The following FAM124B variants were observed in gnomAD, a reference collection of about 807,000 sequenced individuals.
FAM124B encodes family with sequence similarity 124 member B, also known as protein FAM124B.
A neutral mutation model predicts 19.7 loss-of-function variants in FAM124B; 18 were observed. The observed-to-expected ratio is 0.92, with a 90% CI of 0.63 to 1.36. The LOEUF (loss-of-function observed/expected upper bound fraction) is 1.36, where lower values mean the gene tolerates loss of function less well. FAM124B is among the 40% of genes most tolerant of loss of function. FAM124B has a pLI of 0.00. For synonymous variants in FAM124B, 223 were observed against 225.2 expected, an observed-to-expected ratio of 0.99 and a Z score of 0.09; for missense variants, 540 against 553.3, an observed-to-expected ratio of 0.98 and a Z score of 0.24.
intron 1 of FAM124B, 138 bp from the exon 2 acceptor site, chr2:224,380,346 G>T: frequency 2.7e-6 from 2 of 727,770 alleles, no homozygotes; most frequent in Non-Finnish European, 4.4e-6. Flanking sequence ...TTGAATAGAA[G>T]TGATAAGTAC....
chr2:224,393,101 T>C (rs532966278), intron 1 of FAM124B, among the ~76,000 whole-genome samples: 1 of 152,286 alleles, frequency 6.6e-6, no homozygotes, highest in East Asian at 1.9e-4. Context: ...AGTTGAGAAA[T>C]GGGTCTACAT....
chr2:224,380,940 C>A (rs1689703927), intron 1 of FAM124B, among the ~76,000 whole-genome samples: 1 of 152,216 alleles, frequency 6.6e-6, no homozygotes. Context: ...TGCACTCTCC[C>A]TCCACAGGAT....
chr2:224,396,076 C>G (rs1689964576), intron 1 of FAM124B, among the ~76,000 whole-genome samples: 3 of 152,170 alleles, frequency 2.0e-5, no homozygotes, highest in Non-Finnish European at 4.4e-5. Flanking sequence ...CTACCATGTG[C>G]CAGACACTGA....
At position 224,401,812 on chromosome 2, in the gene FAM124B, C is replaced by A. The variant is rs1303631334; in HGVS notation, c.-44G>T. ...TGACAAAGACAGCGTGTGTAGAAGG[C>A]CCACTGTTCAAGTTTCTGAAATGAA... is the stretch of plus-strand genomic sequence containing the variant. On this transcript the variant is annotated 5_prime_UTR_variant, in exon 1 of 2. Transcript: ENST00000409685. 2 of 1,569,188 alleles carry A rather than the reference C, an allele frequency of 1.3e-6. No individual in the cohort carries two copies. The highest frequency in any genetic ancestry group is 1.7e-6 in the Non-Finnish European group (2 of 1,158,918).
intron 1 of FAM124B, among the ~76,000 whole-genome samples, chr2:224,398,072 C>T (rs1164110922): frequency 6.6e-6 from 1 of 152,128 alleles, no homozygotes; most frequent in Non-Finnish European, 1.5e-5. Context: ...TTGTAAATTT[C>T]CCAGTCTCCA....
At chr2:224,392,946 T>A (rs1234300941) in intron 1 of FAM124B, among the ~76,000 whole-genome samples, 1 of 152,218 alleles carries the variant, frequency 6.6e-6, no homozygotes, top group Non-Finnish European at 1.5e-5. Context: ...AATAATTCTG[T>A]TCATCAGTCT....
At chr2:224,384,759 G>A (rs757118273) in intron 1 of FAM124B, among the ~76,000 whole-genome samples, 4 of 152,144 alleles carry the variant, frequency 2.6e-5, no homozygotes, top group Admixed American at 6.5e-5. Flanking sequence ...CTGCTACCGC[G>A]AAACTTACCT....
intron 1 of FAM124B, among the ~76,000 whole-genome samples, chr2:224,386,829 G>C (rs1286604460): frequency 6.6e-6 from 1 of 152,178 alleles, no homozygotes; most frequent in Non-Finnish European, 1.5e-5. Context: ...ATGAATTTTT[G>C]CACATAGAAA....
At chr2:224,393,467 G>T (rs2106085276) in intron 1 of FAM124B, among the ~76,000 whole-genome samples, 1 of 152,308 alleles carries the variant, frequency 6.6e-6, no homozygotes, top group African/African-American at 2.4e-5. Flanking sequence ...GTTTTATCTT[G>T]TAATTTATAA....
At chr2:224,381,068 C>T (rs2106075473) in intron 1 of FAM124B, among the ~76,000 whole-genome samples, 1 of 152,316 alleles carries the variant, frequency 6.6e-6, no homozygotes, top group South Asian at 2.1e-4. Flanking sequence ...ATTTTGATAA[C>T]AGCCCTTGGA....
At position 224,379,704 on chromosome 2, in the gene FAM124B, C is replaced by A; in HGVS notation, c.1237G>T (p.Glu413Ter). 1 of 1,551,682 alleles carries A rather than the reference C, an allele frequency of 6.4e-7. No individual in the cohort carries two copies. The highest frequency in any genetic ancestry group is 8.7e-7 in the Non-Finnish European group (1 of 1,146,990). ...ATSKNNSVLKERVSPLPLAGQ... is the reference protein window; with the variant it reads ...ATSKNNSVLK ...GCAAGTGGCAAAGGAGAGACTCTTTCCTTAAGGACACTGTTGTTTTTGGAG... is the reference window on the plus strand; with the variant it reads ...GCAAGTGGCAAAGGAGAGACTCTTTACTTAAGGACACTGTTGTTTTTGGAG... Residue 413 changes from glutamate to a stop codon, truncating the protein, a stop_gained, in exon 2 of 2, where the codon GAA becomes TAA. Transcript: ENST00000409685. LOFTEE classifies it low-confidence loss of function (END_TRUNC).
At chr2:224,393,644 C>T (rs896143858) in intron 1 of FAM124B, among the ~76,000 whole-genome samples, 29 of 152,032 alleles carry the variant, frequency 1.9e-4, no homozygotes, top group African/African-American at 6.8e-4. Context: ...GTGAGTTTGG[C>T]CTGGAGCACC....
chr2:224,379,851 C>G lies in FAM124B; in HGVS notation c.1090G>C (p.Asp364His). The G allele has an allele frequency of 6.4e-7, 1 of 1,552,144 alleles. No homozygotes were observed. Among genetic ancestry groups the G allele is most frequent in the Non-Finnish European group, 8.7e-7 (1 of 1,147,098 alleles). The change falls in exon 2 of 2, where the codon GAC (aspartate) becomes CAC (histidine). Residue 364 changes from aspartate to histidine, a missense_variant. Transcript: ENST00000409685. The stretch of plus-strand genomic sequence containing the variant: ...GAATTTATGATGGTCAAGCCGGTGT[C>G]AACATTCGTCTCGGCCTCAAGCTTC... ...FQKLEAETNV[D>H]TGLTIINSEP...
At chr2:224,381,216 G>A (rs1689707510) in intron 1 of FAM124B, among the ~76,000 whole-genome samples, 1 of 152,266 alleles carries the variant, frequency 6.6e-6, no homozygotes, top group East Asian at 1.9e-4. Context: ...CTAGCCCTTT[G>A]GGAAGCTGAG....
chr2:224,382,204 C>A (rs1689732794), intron 1 of FAM124B, among the ~76,000 whole-genome samples: 1 of 152,198 alleles, frequency 6.6e-6, no homozygotes, highest in Non-Finnish European at 1.5e-5. Flanking sequence ...TCCCAACTAT[C>A]CAACTCTGCT....
intron 1 of FAM124B, among the ~76,000 whole-genome samples, chr2:224,393,516 C>T (rs966566145): frequency 2.0e-5 from 3 of 152,070 alleles, no homozygotes; most frequent in South Asian, 4.2e-4. Flanking sequence ...TGGTGGGAGG[C>T]GAGGTGTGTG....
At chr2:224,390,983 A>G (rs961407470) in intron 1 of FAM124B, among the ~76,000 whole-genome samples, 5 of 149,732 alleles carry the variant, frequency 3.3e-5, no homozygotes, top group African/African-American at 1.2e-4. Context: ...GATTACAGGC[A>G]TGAGCCACCG....
intron 1 of FAM124B, among the ~76,000 whole-genome samples, chr2:224,394,115 G>A (rs1337231845): frequency 1.3e-5 from 2 of 152,176 alleles, no homozygotes; most frequent in Non-Finnish European, 2.9e-5. Flanking sequence ...TCCTGGCTTT[G>A]TGGTTGCTTC....
Position 224,380,155 on chromosome 2 carries a change from C to G in FAM124B, c.786G>C (p.Met262Ile). ...AAGTCAGCCTGGAGCCCAGGGGAAG[C>G]ATGCCAGCTCCCAAGATGCCATTCT... is the stretch of plus-strand genomic sequence containing the variant. ...GVKNGILGAG[M>I]LPLGSRLTSV... Residue 262 changes from methionine (M) to isoleucine (I), a missense_variant, in exon 2 of 2, where the codon ATG (methionine) becomes ATC (isoleucine). Physicochemically the swap from Met to Ile is conservative, Grantham distance 10 (BLOSUM62 1). Coordinates refer to ENST00000409685, the MANE Select transcript of FAM124B (RefSeq NM_001122779.2). 6.4e-7 allele frequency: 1 copy of G among 1,551,404 alleles called. No homozygotes were observed. Among genetic ancestry groups the G allele is most frequent in the Non-Finnish European group, 8.7e-7 (1 of 1,146,814 alleles).
Sources: allele counts gnomAD v4.1 joint callset (sites outside exome capture counted in the v4.1 genomes callset), GRCh38; gene constraint gnomAD v4.1.1; transcripts MANE v1.5; gene names NCBI Gene and HGNC (gene_info 2026-07-23, HGNC 2026-07-21).